C6: variants seen among roughly 807,000 people sequenced by gnomAD.
C6 encodes complement C6.
In C6, 101 loss-of-function variants were observed where a neutral mutation model predicts 112.9. The observed-to-expected ratio is 0.89, with a 90% CI of 0.76 to 1.06. C6 has a LOEUF of 1.06. Among genes scored for constraint, C6 ranks in the 50% least tolerant of loss-of-function variants. The pLI is 0.00. For missense variants in C6, 1,202 were observed against 1,104.6 expected (o/e 1.09, Z -1.25); for synonymous variants, 431 against 384.1 (o/e 1.12, Z -1.43).
chr5:41,144,473 C>T lies in C6; in HGVS notation c.2624-1467G>A, dbSNP rs1182456008. On this transcript the variant is annotated intron_variant, in intron 17 of 17. Transcript: ENST00000337836. Reference sequence around the variant, plus strand: ...GTAGAGATAGGGTCTCATTATGTTGCCCAGGCTAGTCTCAAACTCCTGAGC... The same window carrying T: ...GTAGAGATAGGGTCTCATTATGTTGTCCAGGCTAGTCTCAAACTCCTGAGC... Among the ~76,000 whole-genome samples the T allele has an allele frequency of 5.9e-5, 9 of 152,172 alleles. 1 individual carries two copies. In the South Asian group the frequency reaches 1.2e-3, roughly 21 times the overall value.
intron 6 of C6, among the ~76,000 whole-genome samples, chr5:41,184,268 T>A (rs990879529): frequency 6.6e-6 from 1 of 152,190 alleles, no homozygotes; most frequent in Non-Finnish European, 1.5e-5. Flanking sequence ...ACATTTTAAC[T>A]GATAGTTTAT....
Position 41,255,378 on chromosome 5 carries a change from G to C in C6, c.-21+5816C>G, listed in dbSNP as rs892546301. Among the ~76,000 whole-genome samples the C allele has an allele frequency of 6.9e-4, 104 of 149,738 alleles. 1 individual carries two copies. Among genetic ancestry groups the C allele is most frequent in the Non-Finnish European group, 2.7e-4 (18 of 67,530 alleles). ...TCCGTTAAAAAAAAAAAAAAGATAA[G>C]AGTCTTAACATGGTTACACAAGATC... On this transcript the variant is annotated intron_variant, in intron 1 of 17. Coordinates refer to the C6 transcript ENST00000263413.
chr5:41,246,112 T>C (rs897536809), intron 1 of C6, among the ~76,000 whole-genome samples: 7 of 152,158 alleles, frequency 4.6e-5, no homozygotes, highest in Admixed American at 2.0e-4. Context: ...TAAACTTGAC[T>C]CCTATGATGT....
At chr5:41,168,252 C>T (rs1371581058) in intron 9 of C6, among the ~76,000 whole-genome samples, 1 of 152,022 alleles carries the variant, frequency 6.6e-6, no homozygotes, top group Admixed American at 6.6e-5. Context: ...CTAGTATGGT[C>T]CTGAAGACAA....
chr5:41,158,565 T>C, intron 13 of C6, 109 bp downstream of exon 13: 3 of 723,122 alleles, frequency 4.1e-6, no homozygotes, highest in South Asian at 3.0e-5. Flanking sequence ...ACTTTTAAAG[T>C]CAATAGGAGA....
chr5:41,226,986 C>T (rs1195541682), intron 1 of C6, among the ~76,000 whole-genome samples: 1 of 152,078 alleles, frequency 6.6e-6, no homozygotes, highest in Non-Finnish European at 1.5e-5. Context: ...AAAGAGAATG[C>T]TGGATCATAT....
intron 14 of C6, 98 bp from the exon 15 acceptor site, chr5:41,154,096 T>A: frequency 4.1e-6 from 4 of 974,656 alleles, no homozygotes; most frequent in Non-Finnish European, 6.5e-6. Context: ...TTGATGAGAT[T>A]TACTGCATCT....
In C6 at chr5:41,219,806, A is replaced by G. The variant is rs550224009; in HGVS notation, c.-20-16556T>C. ...TTTGAGACATGAATCACACAAATAA[A>G]TATCAATTTTTAAAAGTTCTTCCAG... On this transcript the variant is annotated intron_variant, in intron 1 of 17. Transcript: ENST00000263413. Among the ~76,000 whole-genome samples the G allele has an allele frequency of 3.9e-5, 6 of 152,322 alleles. No homozygotes were observed. In the East Asian group the frequency reaches 9.6e-4, roughly 24 times the overall value.
At chr5:41,213,304 G>T in intron 1 of C6, 72 bp downstream of exon 1, 2 of 625,496 alleles carry the variant, frequency 3.2e-6, no homozygotes, top group Non-Finnish European at 4.0e-6. Context: ...GCATGAAATT[G>T]TAATTTTGTT....
rs74349450 is a variant in C6, at chr5:41,253,265, T to C, written c.-21+7929A>G. ...GTTTGAGCTCTGTGGTTTTCACCTG[T>C]AATCCAACCTCTTGGGTGGTTCTTT... On this transcript the variant is annotated intron_variant, in intron 1 of 17. Transcript: ENST00000263413. 2.1e-3 allele frequency among the ~76,000 whole-genome samples: 324 copies of C among 152,320 alleles called. 4 individuals carry two copies. Among genetic ancestry groups the C allele is most frequent in the African/African-American group, 7.4e-3 (309 of 41,572 alleles).
In C6 at chr5:41,149,195, T is replaced by A. The variant is rs199686291; in HGVS notation, c.2623+46A>T. ...AAGAAAGATGATGTACTAGCTGAGA[T>A]GAAGGTTAAGTGAGAGCATTTAGTA... On this transcript the variant is annotated intron_variant, in intron 17 of 17. Coordinates refer to ENST00000337836, the MANE Select transcript of C6 (RefSeq NM_000065.5). The A allele has an allele frequency of 4.4e-6, 7 of 1,609,148 alleles. No homozygotes were observed. The East Asian group carries it at 1.3e-4, about 31-fold the overall frequency.
At chr5:41,157,773 C>T (rs917994948) in intron 13 of C6, among the ~76,000 whole-genome samples, 1 of 152,156 alleles carries the variant, frequency 6.6e-6, no homozygotes, top group Non-Finnish European at 1.5e-5. Context: ...TGTGTTTTAC[C>T]AGGTCCTTTG....
intron 7 of C6, among the ~76,000 whole-genome samples, chr5:41,177,589 T>G (rs934253482): frequency 6.6e-6 from 1 of 151,828 alleles, no homozygotes; most frequent in African/African-American, 2.4e-5. Flanking sequence ...GCAAAATAAC[T>G]GTATTATAAC....
rs1307831314 is a variant in C6 at position 41,159,134 on chromosome 5, C to T, written c.1804G>A (p.Glu602Lys). The T allele has an allele frequency of 3.7e-6, 6 of 1,613,622 alleles. No homozygotes were observed. Among genetic ancestry groups the T allele is most frequent in the Non-Finnish European group, 3.4e-6 (4 of 1,179,758 alleles). ...TCTTCCTCTTGTCGCTTCTCCCCCT[C>T]ACAGCGTTTCCCTCCTCGTTGGGGG... ...PAPQRGGKRCEGEKRQEEDCT... is the reference protein window; with the variant it reads ...PAPQRGGKRCKGEKRQEEDCT... The change falls in exon 12 of 18, where the codon GAG becomes AAG. Residue 602 changes from glutamate to lysine, a missense_variant. Transcript: ENST00000337836.
intron 9 of C6, among the ~76,000 whole-genome samples, chr5:41,171,512 G>T (rs111705982): frequency 6.6e-6 from 1 of 152,140 alleles, no homozygotes; most frequent in African/African-American, 2.4e-5. Context: ...TAGACTTTCC[G>T]GTAGAGATGT....
At position 41,157,785 on chromosome 5, in the gene C6, C is replaced by T. The variant is rs758748819; in HGVS notation, c.1968+889G>A. On this transcript the variant is annotated intron_variant, in intron 13 of 17. Coordinates refer to ENST00000337836, the MANE Select transcript of C6 (RefSeq NM_000065.5). ...ATCTGTGTTTTACCAGGTCCTTTGG[C>T]GCATTGTTGAGTTTGAGAACCTATT... is the stretch of plus-strand genomic sequence containing the variant. 1.1e-4 allele frequency among the ~76,000 whole-genome samples: 17 copies of T among 152,044 alleles called. 1 individual carries two copies. The highest frequency in any genetic ancestry group is 9.8e-4 in the Admixed American group (15 of 15,252).
chr5:41,191,559 C>G (rs1750216687), intron 5 of C6, among the ~76,000 whole-genome samples: 1 of 152,142 alleles, frequency 6.6e-6, no homozygotes, highest in African/African-American at 2.4e-5. Flanking sequence ...GATGCCTTCC[C>G]ATTTCTTTTG....
intron 17 of C6, among the ~76,000 whole-genome samples, chr5:41,147,567 C>T (rs796165704): frequency 7.5e-4 from 114 of 152,282 alleles, no homozygotes; most frequent in African/African-American, 2.7e-3. Flanking sequence ...CTGAAGAACA[C>T]TGGGCCACAA....
chr5:41,179,820 GAATA>G (rs1396694139), intron 7 of C6, among the ~76,000 whole-genome samples: 2 of 151,548 alleles, frequency 1.3e-5, no homozygotes, highest in Non-Finnish European at 2.9e-5. Flanking sequence ...ATAAATGAAT[GAATA>G]AAGAGTCAAA....
Sources: gnomAD v4.1 joint callset for allele counts (sites outside exome capture counted in the v4.1 genomes callset) on GRCh38, gnomAD v4.1.1 for gene constraint, MANE v1.5 for transcripts, NCBI Gene and HGNC (gene_info 2026-07-23, HGNC 2026-07-21) for gene names.